Variants in DNM3 observed in about 807,000 individuals in gnomAD.
DNM3 encodes dynamin 3, also known as dynamin-3.
DNM3 carries 47 observed loss-of-function variants against 101.6 expected under a neutral mutation model. The ratio of observed to expected loss-of-function variants is 0.46; its 90% CI spans 0.37 to 0.59. The LOEUF is 0.59. Ranked by LOEUF, DNM3 falls within the 20% of genes least tolerant of loss-of-function variation. The probability of loss-of-function intolerance (pLI) is 0.00; values close to 1 mark genes in which losing one functional copy is unlikely to be tolerated. For synonymous variants in DNM3, 385 were observed against 387.9 expected, an observed-to-expected ratio of 0.99 and a Z score of 0.09; for missense variants, 849 against 1,085.7, an observed-to-expected ratio of 0.78 and a Z score of 3.06.
At chr1:172,402,716 A>G (rs1461739388) in intron 20 of DNM3, among the ~76,000 whole-genome samples, 2 of 152,196 alleles carry the variant, frequency 1.3e-5, no homozygotes, top group Non-Finnish European at 2.9e-5. Flanking sequence ...ACTAACAACA[A>G]CGACAACAAA....
At chr1:172,141,037 T>C (rs2057549682) in intron 14 of DNM3, among the ~76,000 whole-genome samples, 1 of 152,062 alleles carries the variant, frequency 6.6e-6, no homozygotes, top group Non-Finnish European at 1.5e-5. Flanking sequence ...TCTTTTTGTC[T>C]TTTATTTCTT....
intron 1 of DNM3, among the ~76,000 whole-genome samples, chr1:171,844,471 A>T (rs544205256): frequency 6.6e-6 from 1 of 152,328 alleles, no homozygotes; most frequent in South Asian, 2.1e-4. Flanking sequence ...GACTAACTGT[A>T]TCTTCTCTCA....
At chr1:171,957,420 G>A (rs1382783692) in intron 2 of DNM3, among the ~76,000 whole-genome samples, 3 of 152,054 alleles carry the variant, frequency 2.0e-5, no homozygotes, top group South Asian at 2.1e-4. Context: ...GGATGGACTC[G>A]ATCTCCTGAC....
chr1:172,215,030 T>A (rs2060642537), intron 14 of DNM3, among the ~76,000 whole-genome samples: 1 of 152,120 alleles, frequency 6.6e-6, no homozygotes, highest in Non-Finnish European at 1.5e-5. Flanking sequence ...AATATGCAAC[T>A]ATTTGGAAAT....
At chr1:172,274,357 G>T (rs983463572) in intron 15 of DNM3, among the ~76,000 whole-genome samples, 2 of 152,052 alleles carry the variant, frequency 1.3e-5, no homozygotes, top group African/African-American at 4.8e-5. Context: ...TGATGTTTGA[G>T]AAGGATGTGT....
chr1:171,893,095 T>A (rs2037443546), intron 1 of DNM3, among the ~76,000 whole-genome samples: 1 of 149,876 alleles, frequency 6.7e-6, no homozygotes, highest in Admixed American at 6.6e-5. Flanking sequence ...CAAAGTTACT[T>A]AGGTCAACTA....
At chr1:172,010,613 ATTT>A (rs749047166) in intron 4 of DNM3, among the ~76,000 whole-genome samples, 3,225 of 46,908 alleles carry the variant, frequency 0.069, 39 homozygotes, top group Middle Eastern at 0.13. Flanking sequence ...TATTATGGCT[ATTT>A]TTTTTTTTTT....
intron 13 of DNM3, among the ~76,000 whole-genome samples, chr1:172,120,264 G>C (rs2056224458): frequency 6.6e-6 from 1 of 152,064 alleles, no homozygotes; most frequent in Non-Finnish European, 1.5e-5. Flanking sequence ...GCATGTGTAG[G>C]GGACCTCCCC....
At chr1:171,896,445 A>G (rs146716214) in intron 1 of DNM3, among the ~76,000 whole-genome samples, 2,418 of 152,090 alleles carry the variant, frequency 0.016, 72 homozygotes, top group African/African-American at 0.055. Flanking sequence ...CTGTTTGTCT[A>G]TTATTGGTGT....
At chr1:172,009,114 TATC>T (rs1201489332) in intron 4 of DNM3, among the ~76,000 whole-genome samples, 1 of 138,666 alleles carries the variant, frequency 7.2e-6, no homozygotes, top group Non-Finnish European at 1.5e-5. Context: ...ATATATTATA[TATC>T]ATATAATATA....
intron 15 of DNM3, among the ~76,000 whole-genome samples, chr1:172,282,094 G>A (rs1423507186): frequency 1.3e-5 from 2 of 152,200 alleles, no homozygotes; most frequent in Non-Finnish European, 2.9e-5. Context: ...AGCTATTGCA[G>A]TACTTGCTTC....
intron 10 of DNM3, among the ~76,000 whole-genome samples, chr1:172,060,007 A>C (rs972705555): frequency 1.9e-4 from 29 of 151,718 alleles, no homozygotes; most frequent in Admixed American, 1.8e-3. Flanking sequence ...GTCTCAGGAT[A>C]CAAAATCAAT....
chr1:172,094,143 A>G (rs1444830788), intron 13 of DNM3, among the ~76,000 whole-genome samples: 1 of 152,154 alleles, frequency 6.6e-6, no homozygotes, highest in Non-Finnish European at 1.5e-5. Context: ...TGATGCTTCT[A>G]AAAGGTGGGT....
At chr1:172,357,168 A>G (rs1179760093) in intron 17 of DNM3, among the ~76,000 whole-genome samples, 1 of 152,122 alleles carries the variant, frequency 6.6e-6, no homozygotes, top group African/African-American at 2.4e-5. Context: ...CCATTTGCAA[A>G]ACATCACAGT....
intron 2 of DNM3, among the ~76,000 whole-genome samples, chr1:171,941,886 GA>G (rs1178876396): frequency 6.6e-6 from 1 of 152,066 alleles, no homozygotes; most frequent in East Asian, 1.9e-4. Context: ...GTGGTTAAAG[GA>G]AAACACTCAG....
At chr1:172,022,719 T>C (rs1342360927) in intron 4 of DNM3, among the ~76,000 whole-genome samples, 1 of 152,046 alleles carries the variant, frequency 6.6e-6, no homozygotes, top group Admixed American at 6.5e-5. Context: ...GTTACCTCCA[T>C]ATTTCTATGT....
chr1:171,845,710 A>T (rs866662026), intron 1 of DNM3, among the ~76,000 whole-genome samples: 8 of 152,226 alleles, frequency 5.3e-5, no homozygotes, highest in Middle Eastern at 3.2e-3. Context: ...GCTATATTAG[A>T]CATTCTTGAA....
intron 17 of DNM3, chr1:172,339,013 G>T (rs1426041027): frequency 4.2e-6 from 2 of 471,096 alleles, no homozygotes; most frequent in Admixed American, 2.3e-5. Flanking sequence ...AGTTTCTCTT[G>T]ATCATGATGT....
rs79051578 is a variant in DNM3 at position 172,133,338 on chromosome 1, T to C, written c.1659+2050T>C. Reference sequence around the variant, plus strand: ...AAAATCACTGCCCTTGTAGCTTCCTTATGAGTACTTGATTACAACAAATGG... The same window carrying C: ...AAAATCACTGCCCTTGTAGCTTCCTCATGAGTACTTGATTACAACAAATGG... On this transcript the variant is annotated intron_variant, in intron 14 of 20. Transcript: ENST00000627582. The C allele has an allele frequency of 1.8e-3, 1,778 of 1,003,130 alleles. 25 individuals are homozygous for C. The African/African-American group carries it at 0.027, about 15-fold the overall frequency. The allele number at this position is 1,003,130 out of a possible 1,614,324, so 62.1% of individuals were successfully genotyped here.
Sources: gnomAD v4.1 joint callset for allele counts (sites outside exome capture counted in the v4.1 genomes callset) on GRCh38, gnomAD v4.1.1 for gene constraint, MANE v1.5 for transcripts, NCBI Gene and HGNC (gene_info 2026-07-23, HGNC 2026-07-21) for gene names.